Variants in BIN2 observed in about 807,000 individuals in gnomAD.
BIN2 encodes the protein bridging integrator 2, also known as breast cancer associated protein BRAP1.
BIN2 carries 43 observed loss-of-function variants against 67.9 expected under a neutral mutation model. That is an observed-to-expected ratio of 0.63 (90% CI 0.50 to 0.82). The LOEUF (loss-of-function observed/expected upper bound fraction) is 0.82, where lower values mean the gene tolerates loss of function less well. BIN2 is among the 40% of genes least tolerant of loss of function. The pLI is 0.00. For synonymous variants in BIN2, 244 were observed against 246.8 expected (o/e 0.99, Z 0.11); for missense variants, 581 against 671.6 (o/e 0.87, Z 1.49).
At chr12:51,299,141 G>C in intron 7 of BIN2, 62 bp downstream of exon 7, 1 of 1,180,654 alleles carries the variant, frequency 8.5e-7, no homozygotes, top group Non-Finnish European at 1.3e-6. Flanking sequence ...TCTACTTACT[G>C]TCAAGGCACA....
intron 2 of BIN2, among the ~76,000 whole-genome samples, chr12:51,310,060 C>T (rs1945958784): frequency 6.6e-6 from 1 of 152,208 alleles, no homozygotes; most frequent in South Asian, 2.1e-4. Flanking sequence ...AACTTATATG[C>T]TGTTACTTTA....
chr12:51,302,847 G>T, intron 3 of BIN2, 67 bp from the exon 4 acceptor site: 1 of 1,385,770 alleles, frequency 7.2e-7, no homozygotes, highest in Non-Finnish European at 1.0e-6. Context: ...TCACATGGGT[G>T]ACAAATCAGT....
At chr12:51,305,560 G>T (rs1945845052) in intron 2 of BIN2, among the ~76,000 whole-genome samples, 1 of 150,746 alleles carries the variant, frequency 6.6e-6, no homozygotes, top group East Asian at 2.0e-4. Context: ...GGAGGCAGAG[G>T]TTGCAGTGAG....
At chr12:51,297,447 G>A (rs1311469076) in intron 7 of BIN2, 2 of 244,222 alleles carry the variant, frequency 8.2e-6, no homozygotes, top group Admixed American at 5.4e-5. Flanking sequence ...TGAGCCTGTA[G>A]TCCCAGCTAC....
At chr12:51,324,551 C>A, upstream of BIN2, 1 of 1,527,694 alleles carries the variant, frequency 6.5e-7, no homozygotes, top group Non-Finnish European at 8.7e-7. Flanking sequence ...AGTATGCATG[C>A]GAAGCCGCCA....
intron 2 of BIN2, among the ~76,000 whole-genome samples, chr12:51,311,384 C>A (rs1945991017): frequency 6.6e-6 from 1 of 151,724 alleles, no homozygotes; most frequent in Admixed American, 6.6e-5. Context: ...TTTATTTATA[C>A]TTTATTCATT....
chr12:51,298,485 A>G (rs1041374782), intron 7 of BIN2, among the ~76,000 whole-genome samples: 3 of 152,108 alleles, frequency 2.0e-5, no homozygotes, highest in African/African-American at 7.2e-5. Context: ...CCCGGGAGGC[A>G]TAGGTTACAG....
Position 51,288,111 on chromosome 12 carries a change from C to T in BIN2, c.1593G>A (p.Ser531=), listed in dbSNP as rs779538427. ...KDNKLISANS[S]EGQDQLQVSM... ...AGATGACTTAGGCTTTTAGTACCTC[C>T]GAGGAGTTAGCTGAGATAAGCTTAT... The change falls in exon 11 of 13, where the codon TCG becomes TCA. Residue 531 remains serine, a synonymous_variant. Coordinates refer to ENST00000615107, the MANE Select transcript of BIN2 (RefSeq NM_016293.4). 1.1e-5 allele frequency: 17 copies of T among 1,611,590 alleles called. No homozygotes were observed. Among genetic ancestry groups the T allele is most frequent in the East Asian group, 4.5e-5 (2 of 44,884 alleles).
chr12:51,313,220 A>AAGGAAGGC (rs1319737260), intron 2 of BIN2, among the ~76,000 whole-genome samples: 123 of 138,226 alleles, frequency 8.9e-4, no homozygotes, highest in South Asian at 1.9e-3. Flanking sequence ...GGAAGGAAGG[A>AAGGAAGGC]AGGCAGGAAG....
intron 1 of BIN2, among the ~76,000 whole-genome samples, chr12:51,317,042 A>G (rs981275508): frequency 2.0e-5 from 3 of 151,734 alleles, no homozygotes; most frequent in African/African-American, 7.3e-5. Context: ...ACGCCTGGCT[A>G]ATTTTGTATT....
At chr12:51,286,233 T>G (rs1467835591) in intron 11 of BIN2, among the ~76,000 whole-genome samples, 1 of 152,194 alleles carries the variant, frequency 6.6e-6, no homozygotes. Flanking sequence ...ATAATGCATC[T>G]GCAAGGGAAG....
intron 12 of BIN2, among the ~76,000 whole-genome samples, chr12:51,283,620 G>A (rs970625990): frequency 1.3e-4 from 20 of 152,254 alleles, no homozygotes; most frequent in African/African-American, 4.3e-4. Flanking sequence ...ACCCAGCTCT[G>A]TGTCTTAGTT....
At chr12:51,317,033 C>T (rs770626753) in intron 1 of BIN2, among the ~76,000 whole-genome samples, 11 of 151,984 alleles carry the variant, frequency 7.2e-5, no homozygotes, top group South Asian at 2.1e-4. Flanking sequence ...TGTGCCACCA[C>T]GCCTGGCTAA....
chr12:51,284,404 T>C (rs1945188495), intron 12 of BIN2, among the ~76,000 whole-genome samples: 1 of 152,228 alleles, frequency 6.6e-6, no homozygotes, highest in Admixed American at 6.5e-5. Flanking sequence ...AACACATTAC[T>C]GTATAATATG....
At chr12:51,301,428 T>A (rs1223380571) in intron 5 of BIN2, among the ~76,000 whole-genome samples, 2 of 152,182 alleles carry the variant, frequency 1.3e-5, no homozygotes, top group Non-Finnish European at 2.9e-5. Flanking sequence ...CATCAGCTGT[T>A]TCTCACAGCT....
chr12:51,324,484 T>G, upstream of BIN2: 5 of 1,525,010 alleles, frequency 3.3e-6, no homozygotes, highest in Non-Finnish European at 3.5e-6. Context: ...TAGAAAATGA[T>G]GTGGGTTCCA....
intron 1 of BIN2, among the ~76,000 whole-genome samples, chr12:51,317,466 G>C (rs1946163390): frequency 6.6e-6 from 1 of 151,870 alleles, no homozygotes; most frequent in South Asian, 2.1e-4. Flanking sequence ...TCAGGAGTTT[G>C]AGACCAGCCT....
chr12:51,293,571 C>G, intron 9 of BIN2, among the ~76,000 whole-genome samples: 1 of 152,266 alleles, frequency 6.6e-6, no homozygotes. Flanking sequence ...CTCGGCCTCC[C>G]AAAGTGCTGG....
intron 9 of BIN2, among the ~76,000 whole-genome samples, chr12:51,295,580 ATATAT>A (rs1945537138): frequency 0.018 from 715 of 38,932 alleles, 12 homozygotes; most frequent in Non-Finnish European, 0.028. Context: ...AAAAAAAAAT[ATATAT>A]ATATATATAT....
Sources: allele counts gnomAD v4.1 joint callset (sites outside exome capture counted in the v4.1 genomes callset), GRCh38; gene constraint gnomAD v4.1.1; transcripts MANE v1.5; gene names NCBI Gene and HGNC (gene_info 2026-07-23, HGNC 2026-07-21).